Variants in ZNF667 observed in about 807,000 individuals in gnomAD.
ZNF667 encodes zinc finger protein 667.
ZNF667 carries 13 observed loss-of-function variants against 31.8 expected under a neutral mutation model. That is an observed-to-expected ratio of 0.41 (90% CI 0.27 to 0.65). The LOEUF is 0.65. Ranked by LOEUF, ZNF667 falls within the 30% of genes least tolerant of loss-of-function variation. The probability of loss-of-function intolerance (pLI) is 0.32; values close to 1 mark genes in which losing one functional copy is unlikely to be tolerated. For missense variants in ZNF667, 642 were observed against 725.6 expected, an observed-to-expected ratio of 0.88 and a Z score of 1.32; for synonymous variants, 228 against 247.1, an observed-to-expected ratio of 0.92 and a Z score of 0.73.
intron 3 of ZNF667, 143 bp from the exon 4 acceptor site, chr19:56,462,572 C>A: frequency 1.6e-6 from 1 of 630,272 alleles, no homozygotes. Flanking sequence ...TGGCGCATTC[C>A]TGTCCCCCCT....
intron 3 of ZNF667, chr19:56,469,856 G>A: frequency 2.2e-6 from 1 of 450,496 alleles, no homozygotes; most frequent in Non-Finnish European, 4.5e-6. Context: ...TGACTGAATG[G>A]CTTTGTAATA....
In ZNF667 at chr19:56,448,805, G is replaced by A. The variant is rs77841469; in HGVS notation, c.254-6064C>T. ...GATGAATTAAGACCTCTTGGGCTTC[G>A]AATAAACATCAGTGGTAGCCAGGCA... On this transcript the variant is annotated intron_variant, in intron 6 of 6. Coordinates refer to ENST00000504904, the MANE Select transcript of ZNF667 (RefSeq NM_001321356.2). 9.5e-4 allele frequency among the ~76,000 whole-genome samples: 145 copies of A among 152,248 alleles called. 2 individuals are homozygous for A. In the East Asian group the frequency reaches 0.023, roughly 24 times the overall value.
chr19:56,447,643 G>A (rs370198993), intron 6 of ZNF667, among the ~76,000 whole-genome samples: 52 of 152,060 alleles, frequency 3.4e-4, no homozygotes, highest in African/African-American at 1.2e-3. Context: ...AGCACTTTGG[G>A]AGGCCGAGGT....
intron 6 of ZNF667, among the ~76,000 whole-genome samples, chr19:56,449,914 G>A (rs1568841211): frequency 6.6e-6 from 1 of 150,920 alleles, no homozygotes; most frequent in African/African-American, 2.4e-5. Context: ...TTGAAGATGG[G>A]CTCTTTGAAA....
At chr19:56,455,770 T>C (rs1412654581) in intron 6 of ZNF667, among the ~76,000 whole-genome samples, 1 of 152,194 alleles carries the variant, frequency 6.6e-6, no homozygotes, top group African/African-American at 2.4e-5. Context: ...GAGAGTACAA[T>C]AGGAATGTTT....
At chr19:56,446,004 A>G (rs1277481276) in intron 6 of ZNF667, among the ~76,000 whole-genome samples, 2 of 152,152 alleles carry the variant, frequency 1.3e-5, no homozygotes, top group African/African-American at 4.8e-5. Flanking sequence ...TGAGGATTAA[A>G]TTTCAACATG....
At chr19:56,462,042 G>A (rs1044017035) in intron 4 of ZNF667, among the ~76,000 whole-genome samples, 2 of 152,226 alleles carry the variant, frequency 1.3e-5, no homozygotes, top group Non-Finnish European at 2.9e-5. Context: ...TTCCTCCACG[G>A]AGGACATTTC....
In ZNF667 at chr19:56,442,621, C is replaced by T. The variant is rs2042635946; in HGVS notation, c.374G>A (p.Cys125Tyr). Reference sequence around the variant, plus strand: ...TTTTACTAGGACTGAATTTTTGTTGCAGCCACTCTTTCGTGTAGGAGCTTT... The same window carrying T: ...TTTTACTAGGACTGAATTTTTGTTGTAGCCACTCTTTCGTGTAGGAGCTTT... ...QQKAPTRKSG[C>Y]NKNSVLVKPK... Residue 125 changes from cysteine (C) to tyrosine (Y), a missense_variant, in exon 7 of 7, where the codon TGC becomes TAC. Cys to Tyr is a radical substitution (Grantham distance 194). Coordinates refer to ENST00000504904, the MANE Select transcript of ZNF667 (RefSeq NM_001321356.2). 6.2e-7 allele frequency: 1 copy of T among 1,613,910 alleles called. No homozygotes were observed. Among genetic ancestry groups the T allele is most frequent in the Non-Finnish European group, 8.5e-7 (1 of 1,179,874 alleles).
intron 5 of ZNF667, among the ~76,000 whole-genome samples, chr19:56,460,417 G>A (rs56338417): frequency 0.016 from 2,433 of 152,264 alleles, 79 homozygotes; most frequent in African/African-American, 0.056. Context: ...CAGGGGAGAC[G>A]AAGAGTGACT....
rs904784633 is a variant in ZNF667, at chr19:56,442,599, T to C, written c.396A>G (p.Val132=). 19 of 1,614,118 alleles carry C rather than the reference T, an allele frequency of 1.2e-5. No homozygotes were observed. Among genetic ancestry groups the C allele is most frequent in the Non-Finnish European group, 1.5e-5 (18 of 1,179,984 alleles). ...TCCCTGAATGCCCTTTCTTAGGTTT[T>C]ACTAGGACTGAATTTTTGTTGCAGC... The part of the protein sequence containing the change: ...KSGCNKNSVL[V]KPKKGHSGKK... Residue 132 remains valine, a synonymous_variant, in exon 7 of 7, where the codon GTA becomes GTG. Coordinates refer to ENST00000504904, the MANE Select transcript of ZNF667 (RefSeq NM_001321356.2).
At chr19:56,463,311 C>T (rs1447485943) in intron 3 of ZNF667, among the ~76,000 whole-genome samples, 1 of 152,006 alleles carries the variant, frequency 6.6e-6, no homozygotes, top group Non-Finnish European at 1.5e-5. Flanking sequence ...TTGCAGAAAT[C>T]CGGGGAAGAT....
At chr19:56,472,737 T>C (rs1420716425) in intron 2 of ZNF667, 1 of 152,244 alleles carries the variant, frequency 6.6e-6, no homozygotes, top group African/African-American at 2.4e-5. Flanking sequence ...TATGTGTTAA[T>C]AGACTGTGTA....
chr19:56,441,996 T>C lies in ZNF667; in HGVS notation c.999A>G (p.Arg333=), dbSNP rs1258348893. 18 of 1,614,016 alleles carry C rather than the reference T, an allele frequency of 1.1e-5. No individual in the cohort carries two copies. Among genetic ancestry groups the C allele is most frequent in the Non-Finnish European group, 1.4e-5 (17 of 1,179,930 alleles). The change falls in exon 7 of 7, where the codon AGA becomes AGG. Residue 333 remains arginine (R), a synonymous_variant. Coordinates refer to ENST00000504904, the MANE Select transcript of ZNF667 (RefSeq NM_001321356.2). This position sits in a 1 kb window ranked among gnomAD's most constrained non-coding sequence, Gnocchi z 4.2. ...SHHLENPFKC[R]KCGKLFNRIS... ...TCCTATTAAATAATTTCCCACATTT[T>C]CTGCATTTAAAAGGATTCTCTAAAT...
intron 6 of ZNF667, among the ~76,000 whole-genome samples, chr19:56,453,347 A>G (rs1305394747): frequency 5.9e-5 from 9 of 152,232 alleles, no homozygotes; most frequent in Non-Finnish European, 4.4e-5. Context: ...AGAGGAGGAC[A>G]GAATACTTCC....
chr19:56,468,033 C>G (rs1246793590), intron 3 of ZNF667: 2 of 152,232 alleles, frequency 1.3e-5, no homozygotes, highest in African/African-American at 4.8e-5. Context: ...CTAGTCCTGC[C>G]TTGGTCTTCC....
intron 3 of ZNF667, among the ~76,000 whole-genome samples, chr19:56,467,440 T>A (rs192648616): frequency 4.3e-4 from 66 of 152,322 alleles, no homozygotes; most frequent in African/African-American, 1.6e-3. Flanking sequence ...CATGACCACA[T>A]GTGTGAGGAG....
At chr19:56,443,254 T>G (rs773741006) in intron 6 of ZNF667, among the ~76,000 whole-genome samples, 4 of 152,228 alleles carry the variant, frequency 2.6e-5, no homozygotes, top group African/African-American at 7.2e-5. Context: ...GTGACTTTTA[T>G]GATGTTTACC....
In ZNF667 at chr19:56,440,333, C is replaced by A. The variant is rs2042576364; in HGVS notation, c.*829G>T. On this transcript the variant is annotated 3_prime_UTR_variant, in exon 7 of 7. Coordinates refer to ENST00000504904, the MANE Select transcript of ZNF667 (RefSeq NM_001321356.2). ...CGTTCACACCATGAAGATCATATAT[C>A]CTCATATCCGTGGAGATGGTAAAGT... 6.6e-6 allele frequency: 1 copy of A among 152,318 alleles called. No homozygotes were observed. The highest frequency in any genetic ancestry group is 2.4e-5 in the African/African-American group (1 of 41,424). 9.4% of individuals were successfully genotyped at this position (152,318 alleles called of 1,614,324 possible). A position where few individuals can be genotyped will look rare whatever the true frequency, so the allele number is the denominator to read the frequency against.
chr19:56,475,445 T>C (rs1189833590), intron 1 of ZNF667: 5 of 152,246 alleles, frequency 3.3e-5, no homozygotes, highest in African/African-American at 7.2e-5. Context: ...TCCATGCGCT[T>C]GCATCACGGT....
Sources: allele counts gnomAD v4.1 joint callset (sites outside exome capture counted in the v4.1 genomes callset), GRCh38; gene constraint gnomAD v4.1.1; non-coding constraint Gnocchi (gnomAD v3.1); transcripts MANE v1.5; gene names NCBI Gene and HGNC (gene_info 2026-07-23, HGNC 2026-07-21).